DARS1: variants seen among roughly 807,000 people sequenced by gnomAD.
DARS1 encodes aspartate--tRNA ligase, cytoplasmic.
In DARS1, 51 loss-of-function variants were observed where a neutral mutation model predicts 68.8. The observed-to-expected ratio is 0.74, with a 90% CI of 0.59 to 0.94. DARS1 has a LOEUF of 0.94. Among genes scored for constraint, DARS1 ranks in the 40% least tolerant of loss-of-function variants. The pLI, the probability that DARS1 is intolerant of heterozygous loss-of-function variation, is 0.00. For synonymous variants in DARS1, 203 were observed against 190.4 expected (o/e 1.07, Z -0.55); for missense variants, 607 against 597.3 (o/e 1.02, Z -0.17).
chr2:135,971,822 T>TA (rs1047264073), intron 3 of DARS1, among the ~76,000 whole-genome samples: 30 of 150,510 alleles, frequency 2.0e-4, no homozygotes, highest in African/African-American at 7.1e-4. Context: ...GAAAAAGAAA[T>TA]AAAAAAAAGT....
chr2:135,943,374 T>G lies in DARS1; in HGVS notation c.423+4A>C, dbSNP rs541379721. The G allele has an allele frequency of 6.2e-6, 10 of 1,605,900 alleles. No individual in the cohort carries two copies. The East Asian group carries it at 6.7e-5, about 11-fold the overall frequency. On this transcript the variant is annotated splice_donor_region_variant and intron_variant, in intron 5 of 15. Transcript: ENST00000264161. ...ATGCGATTTTATATTTTGAAAAAAC[T>G]TACCTTCTGAACATGTAACTCAACG...
intron 5 of DARS1, among the ~76,000 whole-genome samples, chr2:135,942,743 A>C (rs1027314925): frequency 3.9e-5 from 6 of 152,212 alleles, no homozygotes; most frequent in Non-Finnish European, 7.3e-5. Context: ...GTCCATTATT[A>C]TTCACTTATA....
At chr2:135,954,474 T>C (rs1159518245) in intron 4 of DARS1, among the ~76,000 whole-genome samples, 1 of 152,148 alleles carries the variant, frequency 6.6e-6, no homozygotes, top group Non-Finnish European at 1.5e-5. Context: ...GCTCCACGCT[T>C]AGTATAGAAT....
chr2:135,936,728 A>C (rs1681479312), intron 5 of DARS1, among the ~76,000 whole-genome samples: 1 of 152,206 alleles, frequency 6.6e-6, no homozygotes, highest in South Asian at 2.1e-4. Flanking sequence ...TCAAGATGAG[A>C]CTTACACAAA....
intron 10 of DARS1, among the ~76,000 whole-genome samples, chr2:135,917,402 A>G (rs1445468260): frequency 2.0e-5 from 3 of 152,182 alleles, no homozygotes; most frequent in Non-Finnish European, 4.4e-5. Flanking sequence ...AAGTATGTTT[A>G]TATTCTATAT....
intron 8 of DARS1, among the ~76,000 whole-genome samples, chr2:135,923,551 C>T (rs1274804689): frequency 6.6e-6 from 1 of 152,058 alleles, no homozygotes; most frequent in Admixed American, 6.6e-5. Context: ...GCTTCCCAAA[C>T]TCCTGGGATT....
At chr2:135,969,932 T>C (rs764007163) in intron 3 of DARS1, among the ~76,000 whole-genome samples, 1 of 152,162 alleles carries the variant, frequency 6.6e-6, no homozygotes, top group Non-Finnish European at 1.5e-5. Flanking sequence ...TGGTGAGCCA[T>C]TAACACTTAA....
At chr2:135,966,255 G>A (rs1002961859) in intron 3 of DARS1, among the ~76,000 whole-genome samples, 10 of 147,874 alleles carry the variant, frequency 6.8e-5, no homozygotes, top group Non-Finnish European at 1.5e-4. Context: ...GAGGAGAATC[G>A]TGAGACCTCT....
Position 135,920,493 on chromosome 2 carries a change from C to T in DARS1, c.919G>A (p.Ala307Thr). 6.2e-7 allele frequency: 1 copy of T among 1,613,566 alleles called. No homozygotes were observed. The highest frequency in any genetic ancestry group is 8.5e-7 in the Non-Finnish European group (1 of 1,179,800). The change falls in exon 10 of 16, where the codon GCT (alanine) becomes ACT (threonine). Residue 307 changes from alanine (A) to threonine (T), a missense_variant. Transcript: ENST00000264161. ...TTGAATATTTGTACCATGGTGTCAG[C>T]AATTTCTTCCATAACTTCGTGGTAA... ...YHYHEVMEEI[A>T]DTMVQIFKGL...
intron 3 of DARS1, among the ~76,000 whole-genome samples, chr2:135,971,393 C>G (rs1446249842): frequency 1.3e-5 from 2 of 152,060 alleles, no homozygotes; most frequent in African/African-American, 4.8e-5. Flanking sequence ...GTTCAAATCC[C>G]TTCATGATAA....
chr2:135,955,530 C>T (rs574755389), intron 4 of DARS1, among the ~76,000 whole-genome samples: 1 of 152,080 alleles, frequency 6.6e-6, no homozygotes, highest in South Asian at 2.1e-4. Flanking sequence ...ATTAAATGTA[C>T]AATTCACTGA....
At chr2:135,907,473 C>T in intron 15 of DARS1, 66 bp from the exon 16 acceptor site, 1 of 1,035,458 alleles carries the variant, frequency 9.7e-7, no homozygotes. Flanking sequence ...CTTAGAACTA[C>T]AAACATAAAT....
chr2:135,907,261 T>TTTTTTTTTTTTTTTGGG lies in DARS1; in HGVS notation c.*54_*55insCCCAAAAAAAAAAAAAA. The TTTTTTTTTTTTTTTGGG allele has an allele frequency of 1.1e-6, 1 of 889,242 alleles. No individual in the cohort carries two copies. 55.1% of individuals were successfully genotyped at this position (889,242 alleles called of 1,614,324 possible). A position where few individuals can be genotyped will look rare whatever the true frequency, so the allele number is the denominator to read the frequency against. On this transcript the variant is annotated 3_prime_UTR_variant, in exon 16 of 16. Transcript: ENST00000264161. ...GGCTTTCTTTTTTTTTTTTTTTTTT[T>TTTTTTTTTTTTTTTGGG]GAGGCAGGGTCTCGCTCTGTCATCC...
At chr2:135,978,204 G>A (rs1682545013) in intron 3 of DARS1, among the ~76,000 whole-genome samples, 2 of 150,530 alleles carry the variant, frequency 1.3e-5, no homozygotes, top group African/African-American at 4.9e-5. Flanking sequence ...ATATATCATG[G>A]GACATATTAA....
intron 3 of DARS1, among the ~76,000 whole-genome samples, chr2:135,968,822 C>T (rs763639304): frequency 2.0e-5 from 3 of 152,058 alleles, no homozygotes; most frequent in Non-Finnish European, 4.4e-5. Context: ...CCATGATGCC[C>T]GGCTATTTTT....
At position 135,985,494 on chromosome 2, in the gene DARS1, A is replaced by G; in HGVS notation, c.-26T>C. The G allele has an allele frequency of 6.2e-7, 1 of 1,613,862 alleles. No individual in the cohort carries two copies. Among genetic ancestry groups the G allele is most frequent in the Non-Finnish European group, 8.5e-7 (1 of 1,179,922 alleles). ...CGGGACACGGAACTGGGCAGTGGACACCACCCTCCCTCGCAGGCTTCCGTA... is the reference window on the plus strand; with the variant it reads ...CGGGACACGGAACTGGGCAGTGGACGCCACCCTCCCTCGCAGGCTTCCGTA... On this transcript the variant is annotated 5_prime_UTR_variant, in exon 1 of 16. Transcript: ENST00000264161.
At chr2:135,925,439 A>G (rs796574901) in intron 7 of DARS1, among the ~76,000 whole-genome samples, 1 of 152,298 alleles carries the variant, frequency 6.6e-6, no homozygotes, top group African/African-American at 2.4e-5. Flanking sequence ...CCCATATCAA[A>G]GGGCTCACCC....
At chr2:135,973,753 C>G (rs1383036304) in intron 3 of DARS1, among the ~76,000 whole-genome samples, 3 of 151,746 alleles carry the variant, frequency 2.0e-5, no homozygotes. Context: ...GCCTGTAGTC[C>G]CAGCTACTCA....
At chr2:135,955,006 T>C (rs186612480) in intron 4 of DARS1, among the ~76,000 whole-genome samples, 3 of 152,192 alleles carry the variant, frequency 2.0e-5, no homozygotes, top group East Asian at 1.9e-4. Flanking sequence ...AAATCCTATA[T>C]ATTGATGTAT....
Sources: gnomAD v4.1 joint callset for allele counts (sites outside exome capture counted in the v4.1 genomes callset) on GRCh38, gnomAD v4.1.1 for gene constraint, MANE v1.5 for transcripts, NCBI Gene and HGNC (gene_info 2026-07-23, HGNC 2026-07-21) for gene names.